Variants in VANGL2 observed in about 807,000 individuals in gnomAD.
The protein encoded by VANGL2 is vang-like protein 2.
A neutral mutation model predicts 50.2 loss-of-function variants in VANGL2; 14 were observed. That is an observed-to-expected ratio of 0.28 (90% CI 0.18 to 0.44). The LOEUF (loss-of-function observed/expected upper bound fraction) is 0.44. Among genes scored for constraint, VANGL2 ranks in the 20% least tolerant of loss-of-function variants. The probability of loss-of-function intolerance (pLI) is 1.00; values close to 1 mark genes in which losing one functional copy is unlikely to be tolerated. For synonymous variants in VANGL2, 295 were observed against 297.2 expected (o/e 0.99, Z 0.08); for missense variants, 533 against 701.5 (o/e 0.76, Z 2.71).
At position 160,415,677 on chromosome 1, in the gene VANGL2, C is replaced by A; in HGVS notation, c.-161C>A. On this transcript the variant is annotated 5_prime_UTR_variant, in exon 2 of 8. Coordinates refer to ENST00000368061, the MANE Select transcript of VANGL2 (RefSeq NM_020335.3). ...GTCGCTGGATTTTCTCTGAGACAAG[C>A]CCACCCGTCCAGCAAAATAGAGTCC... is the stretch of plus-strand genomic sequence containing the variant. 1.2e-6 allele frequency: 1 copy of A among 802,662 alleles called. No individual in the cohort carries two copies. The highest frequency in any genetic ancestry group is 2.0e-6 in the Non-Finnish European group (1 of 500,486). 49.7% of individuals were successfully genotyped at this position (802,662 alleles called of 1,614,324 possible).
chr1:160,409,035 T>C (rs556063184), intron 1 of VANGL2, among the ~76,000 whole-genome samples: 31 of 152,368 alleles, frequency 2.0e-4, no homozygotes, highest in African/African-American at 6.7e-4. Context: ...CTTTTGGGGA[T>C]AGAGGCTCTT....
intron 6 of VANGL2, among the ~76,000 whole-genome samples, chr1:160,422,312 C>A (rs1651302038): frequency 1.3e-5 from 2 of 152,180 alleles, no homozygotes; most frequent in Non-Finnish European, 2.9e-5. Context: ...TATCTTCTGC[C>A]CTGACCAGGG....
In VANGL2 at chr1:160,415,752, C is replaced by A; in HGVS notation, c.-86C>A. ...AAGGTGCCTCTTGGCCTAAAGAAGC[C>A]GGTGCTGAAGGAGGTGGCTGTGGGG... On this transcript the variant is annotated 5_prime_UTR_variant, in exon 2 of 8. Transcript: ENST00000368061. The A allele has an allele frequency of 6.7e-7, 1 of 1,487,372 alleles. No individual in the cohort carries two copies. The highest frequency in any genetic ancestry group is 9.2e-7 in the Non-Finnish European group (1 of 1,085,922). 92.1% of individuals were successfully genotyped at this position (1,487,372 alleles called of 1,614,324 possible).
At chr1:160,423,798 G>A (rs1396739956) in intron 6 of VANGL2, among the ~76,000 whole-genome samples, 1 of 152,228 alleles carries the variant, frequency 6.6e-6, no homozygotes, top group East Asian at 1.9e-4. Context: ...CTTTCCTATA[G>A]CATAGTTCCT....
intron 1 of VANGL2, among the ~76,000 whole-genome samples, chr1:160,411,216 G>A (rs1418444814): frequency 6.6e-6 from 1 of 151,996 alleles, no homozygotes; most frequent in Non-Finnish European, 1.5e-5. Context: ...CTGAGTGTGT[G>A]TGTTTGTGTC....
rs1651426523 is a variant in VANGL2, at chr1:160,425,636, C to T, written c.*258C>T. 8.6e-6 allele frequency: 4 copies of T among 464,626 alleles called. No homozygotes were observed. The Admixed American group carries it at 1.1e-4, about 13-fold the overall frequency. The allele number at this position is 464,626 out of a possible 1,614,324, so 28.8% of individuals were successfully genotyped here. ...CAACAACTTTTGTATTACTCTAGGCCCTGCAGGAATCAGTGCCTCTCTCCC... is the reference window on the plus strand; with the variant it reads ...CAACAACTTTTGTATTACTCTAGGCTCTGCAGGAATCAGTGCCTCTCTCCC... On this transcript the variant is annotated 3_prime_UTR_variant, in exon 8 of 8. Coordinates refer to ENST00000368061, the MANE Select transcript of VANGL2 (RefSeq NM_020335.3).
intron 1 of VANGL2, among the ~76,000 whole-genome samples, chr1:160,401,836 G>A (rs1650475618): frequency 6.6e-6 from 1 of 152,084 alleles, no homozygotes. Context: ...GGATAGGTGT[G>A]TGTGCACCTG....
chr1:160,421,268 C>T, intron 6 of VANGL2, 81 bp downstream of exon 6: 1 of 1,562,994 alleles, frequency 6.4e-7, no homozygotes, highest in Middle Eastern at 2.3e-4. Flanking sequence ...TCTGTAACTG[C>T]TGGAAATATA....
intron 1 of VANGL2, among the ~76,000 whole-genome samples, chr1:160,413,103 TC>T (rs1439311562): frequency 2.6e-5 from 4 of 152,192 alleles, no homozygotes; most frequent in Non-Finnish European, 4.4e-5. Flanking sequence ...TCAGAAAGTA[TC>T]CCTGTGGTTA....
At chr1:160,410,308 ACTAG>A (rs2101953279) in intron 1 of VANGL2, among the ~76,000 whole-genome samples, 1 of 152,078 alleles carries the variant, frequency 6.6e-6, no homozygotes, top group South Asian at 2.1e-4. Context: ...GATGAGGAAC[ACTAG>A]GTGCCCTTTT....
In VANGL2 at chr1:160,425,382, T is replaced by C; in HGVS notation, c.*4T>C. The C allele has an allele frequency of 3.1e-6, 4 of 1,290,494 alleles. No homozygotes were observed. Among genetic ancestry groups the C allele is most frequent in the Non-Finnish European group, 4.1e-6 (4 of 984,594 alleles). 79.9% of individuals were successfully genotyped at this position (1,290,494 alleles called of 1,614,324 possible). On this transcript the variant is annotated 3_prime_UTR_variant, in exon 8 of 8. Coordinates refer to ENST00000368061, the MANE Select transcript of VANGL2 (RefSeq NM_020335.3). Reference sequence around the variant, plus strand: ...GCAGTCTGAGACCTCAGTGTGACTGTGCAACAGCAGGGGGAGTGGGAAACT... The same window carrying C: ...GCAGTCTGAGACCTCAGTGTGACTGCGCAACAGCAGGGGGAGTGGGAAACT...
chr1:160,408,233 C>T (rs931141899), intron 1 of VANGL2, among the ~76,000 whole-genome samples: 2 of 151,556 alleles, frequency 1.3e-5, no homozygotes, highest in African/African-American at 4.9e-5. Flanking sequence ...GTGGGTGGAG[C>T]TGGGTGGGGC....
At chr1:160,404,158 T>C (rs972212943) in intron 1 of VANGL2, among the ~76,000 whole-genome samples, 1 of 152,148 alleles carries the variant, frequency 6.6e-6, no homozygotes, top group African/African-American at 2.4e-5. Context: ...TGATCTTCCT[T>C]TGGCCGACCA....
intron 1 of VANGL2, among the ~76,000 whole-genome samples, chr1:160,402,660 CTG>C (rs1285318115): frequency 3.9e-5 from 6 of 152,016 alleles, no homozygotes; most frequent in South Asian, 4.2e-4. Context: ...GGCTGAGTGT[CTG>C]TGTGTCGGGA....
In VANGL2 at chr1:160,420,558, C is replaced by T; in HGVS notation, c.937+11C>T. On this transcript the variant is annotated intron_variant, in intron 5 of 7. Transcript: ENST00000368061. ...ATTCCCTCGGAGAGGGTGAGCAGCC[C>T]TGCTCCTCTGCCCTTCCCTGTCTCT... 2 of 1,614,172 alleles carry T rather than the reference C, an allele frequency of 1.2e-6. No homozygotes were observed. The highest frequency in any genetic ancestry group is 1.7e-6 in the Non-Finnish European group (2 of 1,180,030).
chr1:160,419,338 C>T lies in VANGL2; in HGVS notation c.529C>T (p.Arg177Cys), dbSNP rs751810965. 19 of 1,610,688 alleles carry T rather than the reference C, an allele frequency of 1.2e-5. No homozygotes were observed. The highest frequency in any genetic ancestry group is 1.5e-5 in the Non-Finnish European group (18 of 1,180,032). The change falls in exon 4 of 8, where the codon CGC becomes TGC. Residue 177 changes from arginine to cysteine, a missense_variant. Coordinates refer to ENST00000368061, the MANE Select transcript of VANGL2 (RefSeq NM_020335.3). This position sits in a 1 kb window ranked among gnomAD's most constrained non-coding sequence, Gnocchi z 5.8. ...FFRRPKASLP[R>C]VFVLRALLMV... ...CCGCCGGCCCAAGGCCTCGCTGCCC[C>T]GCGTCTTTGTGCTGCGTGCCCTGCT...
chr1:160,405,273 C>A (rs116626969), intron 1 of VANGL2, among the ~76,000 whole-genome samples: 1,784 of 152,230 alleles, frequency 0.012, 11 homozygotes, highest in Middle Eastern at 0.02. Context: ...GAAGGAAAGG[C>A]CTGGGACTAA....
At position 160,426,564 on chromosome 1, in the gene VANGL2, A is replaced by G. The variant is rs1651463241; in HGVS notation, c.*1186A>G. On this transcript the variant is annotated 3_prime_UTR_variant, in exon 8 of 8. Transcript: ENST00000368061. ...TGTATTGGGTTGAGGGGCAAGGATT[A>G]CTGCCTTTTGTAGGTACTTCACCCC... The G allele has an allele frequency of 6.6e-6, 1 of 152,530 alleles. No homozygotes were observed. Among genetic ancestry groups the G allele is most frequent in the South Asian group, 2.1e-4 (1 of 4,820 alleles). The allele number at this position is 152,530 out of a possible 1,614,324, so 9.4% of individuals were successfully genotyped here.
At chr1:160,420,938 G>A (rs1651250911) in intron 5 of VANGL2, 114 bp from the exon 6 acceptor site, 2 of 1,484,418 alleles carry the variant, frequency 1.3e-6, no homozygotes, top group South Asian at 1.2e-5. Flanking sequence ...GGTATTGCTG[G>A]GTGGTGGGAA....
Sources: allele counts gnomAD v4.1 joint callset (sites outside exome capture counted in the v4.1 genomes callset), GRCh38; gene constraint gnomAD v4.1.1; non-coding constraint Gnocchi (gnomAD v3.1); transcripts MANE v1.5; gene names NCBI Gene and HGNC (gene_info 2026-07-23, HGNC 2026-07-21).